Variants in SOX5 observed in about 807,000 individuals in gnomAD.
SOX5 encodes transcription factor SOX-5.
A neutral mutation model predicts 92.0 loss-of-function variants in SOX5; 9 were observed. That is an observed-to-expected ratio of 0.10 (90% CI 0.06 to 0.17). SOX5 has a LOEUF of 0.17. SOX5 is among the 10% of genes least tolerant of loss of function. The pLI, the probability that SOX5 is intolerant of heterozygous loss-of-function variation, is 1.00. For synonymous variants in SOX5, 344 were observed against 336.3 expected (o/e 1.02, Z -0.25); for missense variants, 642 against 944.5 (o/e 0.68, Z 4.20).
At chr12:24,556,190 T>C (rs956197854) in intron 1 of SOX5, among the ~76,000 whole-genome samples, 1 of 152,188 alleles carries the variant, frequency 6.6e-6, no homozygotes, top group Non-Finnish European at 1.5e-5. Context: ...CTAATAAACT[T>C]CTTACAGGTC....
chr12:24,351,119 A>T (rs1954031157), intron 2 of SOX5, among the ~76,000 whole-genome samples: 1 of 152,164 alleles, frequency 6.6e-6, no homozygotes, highest in South Asian at 2.1e-4. Context: ...ATTACCTCAA[A>T]TTATACAACT....
chr12:23,942,922 T>C lies in SOX5; in HGVS notation c.38+6642A>G, dbSNP rs376704217. On this transcript the variant is annotated intron_variant, in intron 1 of 14. Coordinates refer to ENST00000451604, the MANE Select transcript of SOX5 (RefSeq NM_006940.6). ...TCTAAAACACACTTTCTTTCAAAGA[T>C]GTGAAGAGCAGAAATAGAAACGCTG... is the stretch of plus-strand genomic sequence containing the variant. 4.6e-5 allele frequency among the ~76,000 whole-genome samples: 7 copies of C among 152,206 alleles called. No individual in the cohort carries two copies. In the East Asian group the frequency reaches 1.2e-3, roughly 25 times the overall value.
intron 6 of SOX5, among the ~76,000 whole-genome samples, chr12:23,719,552 C>T (rs1337461523): frequency 1.3e-5 from 2 of 151,988 alleles, no homozygotes; most frequent in Non-Finnish European, 1.5e-5. Context: ...TTGAGACCAG[C>T]CTGGGCAACA....
intron 4 of SOX5, among the ~76,000 whole-genome samples, chr12:23,994,327 TAAA>T (rs952401631): frequency 3.3e-5 from 5 of 152,152 alleles, no homozygotes; most frequent in African/African-American, 1.2e-4. Context: ...TTTACTTACT[TAAA>T]AAAATTTTAA....
intron 9 of SOX5, among the ~76,000 whole-genome samples, chr12:23,577,803 A>G (rs1355538089): frequency 1.3e-5 from 2 of 151,998 alleles, no homozygotes; most frequent in African/African-American, 2.4e-5. Context: ...TAATTTGGAG[A>G]AGTTTACTTT....
intron 2 of SOX5, among the ~76,000 whole-genome samples, chr12:24,314,391 G>A (rs547691888): frequency 6.6e-6 from 1 of 151,188 alleles, no homozygotes; most frequent in Admixed American, 6.6e-5. Context: ...GGGAGGGATA[G>A]CATTAAGAGA....
chr12:23,866,180 C>A (rs2096810779), intron 2 of SOX5, among the ~76,000 whole-genome samples: 1 of 152,090 alleles, frequency 6.6e-6, no homozygotes, highest in African/African-American at 2.4e-5. Flanking sequence ...TACACATGTA[C>A]ACTATGGCAT....
At chr12:24,092,576 T>C (rs1944787779) in intron 4 of SOX5, among the ~76,000 whole-genome samples, 1 of 152,094 alleles carries the variant, frequency 6.6e-6, no homozygotes, top group Admixed American at 6.5e-5. Flanking sequence ...TAGACCTAAG[T>C]CTTGGGTAGT....
intron 4 of SOX5, among the ~76,000 whole-genome samples, chr12:23,969,325 A>ATTT (rs35951518): frequency 4.0e-5 from 6 of 151,534 alleles, no homozygotes; most frequent in African/African-American, 7.3e-5. Flanking sequence ...TCTTCAATCC[A>ATTT]TTTTTTTTCC....
chr12:23,937,359 T>C (rs1459320201), intron 1 of SOX5, among the ~76,000 whole-genome samples: 1 of 150,946 alleles, frequency 6.6e-6, no homozygotes, highest in African/African-American at 2.4e-5. Context: ...CACCTTTAGG[T>C]AAATGAAATG....
chr12:24,489,983 C>T (rs1946886789), intron 1 of SOX5, among the ~76,000 whole-genome samples: 1 of 152,232 alleles, frequency 6.6e-6, no homozygotes, highest in African/African-American at 2.4e-5. Context: ...CTAGTTCACT[C>T]ACTACTGCCC....
chr12:24,064,083 AACACGGG>A (rs1449737240), intron 4 of SOX5, among the ~76,000 whole-genome samples: 1 of 152,198 alleles, frequency 6.6e-6, no homozygotes, highest in Non-Finnish European at 1.5e-5. Flanking sequence ...TCTTATGCTT[AACACGGG>A]ACCTAAAAGA....
chr12:24,144,241 G>T (rs1373313854), intron 4 of SOX5, among the ~76,000 whole-genome samples: 1 of 152,038 alleles, frequency 6.6e-6, no homozygotes, highest in African/African-American at 2.4e-5. Context: ...AATACAAAAT[G>T]CAAATACAAA....
chr12:23,957,043 T>C (rs1946368031), intron 4 of SOX5, among the ~76,000 whole-genome samples: 1 of 152,152 alleles, frequency 6.6e-6, no homozygotes, highest in Non-Finnish European at 1.5e-5. Context: ...GTTTCTATAA[T>C]CTCTTCTTTG....
intron 1 of SOX5, among the ~76,000 whole-genome samples, chr12:24,553,019 G>C (rs530027546): frequency 7.9e-5 from 12 of 152,318 alleles, no homozygotes; most frequent in African/African-American, 2.6e-4. Context: ...GTAACAGAGT[G>C]AGAACTTGTC....
intron 13 of SOX5, among the ~76,000 whole-genome samples, 179 bp downstream of exon 13, chr12:23,543,032 T>G (rs545278730): frequency 2.1e-4 from 32 of 152,148 alleles, no homozygotes; most frequent in Non-Finnish European, 4.1e-4. Flanking sequence ...ATATGGCATA[T>G]TTCTCAATGG....
intron 4 of SOX5, among the ~76,000 whole-genome samples, chr12:24,027,936 G>A (rs1013785673): frequency 6.6e-6 from 1 of 151,902 alleles, no homozygotes; most frequent in African/African-American, 2.4e-5. Context: ...AGTTAGCAGG[G>A]CCTTCTCCAA....
chr12:23,615,533 T>C (rs532694410), intron 8 of SOX5, among the ~76,000 whole-genome samples: 222 of 152,260 alleles, frequency 1.5e-3, no homozygotes, highest in African/African-American at 5.0e-3. Context: ...CCAGTGACTC[T>C]TGTTCCCCTC....
At chr12:24,322,460 C>T (rs771930585) in intron 2 of SOX5, among the ~76,000 whole-genome samples, 10 of 152,104 alleles carry the variant, frequency 6.6e-5, no homozygotes, top group Non-Finnish European at 1.5e-4. Context: ...CAGAAGATGA[C>T]GGAAATAATG....
Sources: allele counts gnomAD v4.1 joint callset (sites outside exome capture counted in the v4.1 genomes callset), GRCh38; gene constraint gnomAD v4.1.1; transcripts MANE v1.5; gene names NCBI Gene and HGNC (gene_info 2026-07-23, HGNC 2026-07-21).